NAALADL2: variants seen among roughly 807,000 people sequenced by gnomAD.
NAALADL2 encodes the protein inactive N-acetylated-alpha-linked acidic dipeptidase-like protein 2.
In NAALADL2, 76 loss-of-function variants were observed where a neutral mutation model predicts 87.2. The ratio of observed to expected loss-of-function variants is 0.87; its 90% confidence interval spans 0.72 to 1.05. The LOEUF is 1.05. NAALADL2 is among the 50% of genes least tolerant of loss of function. NAALADL2 has a pLI of 0.00. For missense variants in NAALADL2, 1,089 were observed against 945.8 expected (o/e 1.15, Z -1.99); for synonymous variants, 354 against 331.0 (o/e 1.07, Z -0.75).
intron 1 of NAALADL2, among the ~76,000 whole-genome samples, chr3:174,447,270 C>T (rs761290928): frequency 6.6e-4 from 100 of 152,108 alleles, no homozygotes; most frequent in Non-Finnish European, 1.1e-3. Context: ...ATTAATGGCT[C>T]CCTCAGAATA....
intron 11 of NAALADL2, among the ~76,000 whole-genome samples, chr3:175,721,505 T>G (rs1234069130): frequency 6.6e-6 from 1 of 152,094 alleles, no homozygotes; most frequent in Non-Finnish European, 1.5e-5. Context: ...AATGTCAACA[T>G]CAGAGAAAGG....
At chr3:175,037,306 C>T (rs372301719) in intron 1 of NAALADL2, among the ~76,000 whole-genome samples, 16 of 152,136 alleles carry the variant, frequency 1.1e-4, no homozygotes, top group African/African-American at 3.9e-4. Context: ...TGCAACCAAG[C>T]ACTCTGCTAG....
chr3:175,515,703 C>T (rs1731745286), intron 9 of NAALADL2, among the ~76,000 whole-genome samples: 1 of 152,258 alleles, frequency 6.6e-6, no homozygotes, highest in Middle Eastern at 3.4e-3. Flanking sequence ...ACTAAGACAG[C>T]CTGGCTGGAT....
At chr3:174,854,826 CTTTT>C (rs1172512711), upstream of NAALADL2, among the ~76,000 whole-genome samples, 2 of 134,164 alleles carry the variant, frequency 1.5e-5, no homozygotes, top group Non-Finnish European at 3.1e-5. Context: ...ATGTGCTTTG[CTTTT>C]TTTTCTTTTT....
intron 3 of NAALADL2, among the ~76,000 whole-genome samples, chr3:174,761,170 A>G (rs2109071511): frequency 6.6e-6 from 1 of 152,330 alleles, no homozygotes; most frequent in East Asian, 1.9e-4. Context: ...ATGGTTCTAT[A>G]TGAAAATCTA....
chr3:175,146,783 G>C (rs1197549943), intron 2 of NAALADL2, among the ~76,000 whole-genome samples: 2 of 151,846 alleles, frequency 1.3e-5, no homozygotes, highest in Non-Finnish European at 2.9e-5. Flanking sequence ...GTGTGAAATT[G>C]TTGGCTTAAC....
intron 2 of NAALADL2, among the ~76,000 whole-genome samples, chr3:174,637,519 C>G (rs1482703736): frequency 6.8e-6 from 1 of 146,782 alleles, no homozygotes; most frequent in Non-Finnish European, 1.6e-5. Context: ...AAAAATAAAA[C>G]AGCAATAAAA....
intron 1 of NAALADL2, among the ~76,000 whole-genome samples, chr3:174,525,813 C>A (rs1720695209): frequency 1.3e-5 from 2 of 152,106 alleles, no homozygotes. Context: ...TAAAAGTGAA[C>A]AAACAAAACT....
chr3:174,509,313 A>C (rs906706356), intron 1 of NAALADL2, among the ~76,000 whole-genome samples: 1 of 151,806 alleles, frequency 6.6e-6, no homozygotes, highest in East Asian at 1.9e-4. Flanking sequence ...AAAGAATATC[A>C]CTAACAGGGT....
chr3:175,635,964 A>C (rs1447766554), intron 11 of NAALADL2, among the ~76,000 whole-genome samples: 2 of 152,194 alleles, frequency 1.3e-5, no homozygotes, highest in Admixed American at 6.5e-5. Context: ...ATGTAACACA[A>C]CATACCAGAA....
rs138681223 is a variant in NAALADL2, at chr3:175,670,720, G to C, written c.1896+43334G>C. ...TAATAAGGAACATCTGGTTATTCTTGACTCATGGCATTTCAATATTACCAC... is the reference window on the plus strand; with the variant it reads ...TAATAAGGAACATCTGGTTATTCTTCACTCATGGCATTTCAATATTACCAC... On this transcript the variant is annotated intron_variant, in intron 11 of 13. Transcript: ENST00000454872. Among the ~76,000 whole-genome samples, 247 of 150,742 alleles carry C rather than the reference G, an allele frequency of 1.6e-3. 3 individuals are homozygous for C. The highest frequency in any genetic ancestry group is 5.6e-3 in the African/African-American group (229 of 41,192).
chr3:175,127,717 A>G (rs1727186945), intron 2 of NAALADL2, among the ~76,000 whole-genome samples: 2 of 152,114 alleles, frequency 1.3e-5, no homozygotes, highest in Non-Finnish European at 2.9e-5. Context: ...TGTTTTCAAT[A>G]TAAAATAAAT....
At chr3:175,205,467 A>G (rs1287882867) in intron 2 of NAALADL2, among the ~76,000 whole-genome samples, 1 of 152,196 alleles carries the variant, frequency 6.6e-6, no homozygotes, top group Admixed American at 6.5e-5. Flanking sequence ...AAGTACCTAA[A>G]TCTAAGATGT....
chr3:174,479,144 T>C (rs944924609), intron 1 of NAALADL2, among the ~76,000 whole-genome samples: 1 of 152,204 alleles, frequency 6.6e-6, no homozygotes, highest in Non-Finnish European at 1.5e-5. Flanking sequence ...TTTCGTCATC[T>C]TATAGTCATA....
chr3:175,513,589 A>C (rs1465765808), intron 9 of NAALADL2, among the ~76,000 whole-genome samples: 1 of 152,210 alleles, frequency 6.6e-6, no homozygotes, highest in Non-Finnish European at 1.5e-5. Flanking sequence ...TGATGAATAT[A>C]TGTAAAAAAC....
chr3:175,783,187 A>G (rs1221491361), intron 13 of NAALADL2, among the ~76,000 whole-genome samples: 1 of 152,162 alleles, frequency 6.6e-6, no homozygotes, highest in Non-Finnish European at 1.5e-5. Context: ...TTGGTGATGC[A>G]GGCTCTTTTT....
chr3:175,443,778 T>C (rs1238021536), intron 5 of NAALADL2, among the ~76,000 whole-genome samples: 2 of 152,180 alleles, frequency 1.3e-5, no homozygotes. Flanking sequence ...GTCCTTGCTT[T>C]CAAGAATTTA....
intron 9 of NAALADL2, among the ~76,000 whole-genome samples, chr3:175,502,228 G>GGGGTGT (rs373702257): frequency 6.8e-6 from 1 of 147,390 alleles, no homozygotes; most frequent in African/African-American, 2.5e-5. Flanking sequence ...CATTATCCTG[G>GGGGTGT]GTGTGTGTGT....
chr3:174,610,305 AT>A (rs1476808720), intron 2 of NAALADL2, among the ~76,000 whole-genome samples: 4 of 152,006 alleles, frequency 2.6e-5, no homozygotes. Context: ...AAAAGACAAA[AT>A]TGACAAATGG....
Sources: gnomAD v4.1 joint callset for allele counts (sites outside exome capture counted in the v4.1 genomes callset) on GRCh38, gnomAD v4.1.1 for gene constraint, MANE v1.5 for transcripts, NCBI Gene and HGNC (gene_info 2026-07-23, HGNC 2026-07-21) for gene names.